The following TCF12 variants were observed in gnomAD, a reference collection of about 807,000 sequenced individuals.
TCF12 encodes the protein DNA-binding protein HTF4.
A neutral mutation model predicts 86.0 loss-of-function variants in TCF12; 45 were observed. The observed-to-expected ratio is 0.52, with a 90% confidence interval of 0.41 to 0.67. The LOEUF (loss-of-function observed/expected upper bound fraction) is 0.67. Ranked by LOEUF, TCF12 falls within the 30% of genes least tolerant of loss-of-function variation. The probability of loss-of-function intolerance (pLI) is 0.00; values close to 1 mark genes in which losing one functional copy is unlikely to be tolerated. For missense variants in TCF12, 881 were observed against 859.9 expected, an observed-to-expected ratio of 1.02 and a Z score of -0.31; for synonymous variants, 330 against 299.6, an observed-to-expected ratio of 1.10 and a Z score of -1.05.
rs142444003 is a variant in TCF12, at chr15:57,104,587, G to A, written c.325+12696G>A. The stretch of plus-strand genomic sequence containing the variant: ...CTCCGGAGTAGCTGGGACTACAGGC[G>A]CGCACACCCAGCTAATTTTTCTACT... On this transcript the variant is annotated intron_variant, in intron 5 of 20. Transcript: ENST00000333725. Among the ~76,000 whole-genome samples, 186 of 151,172 alleles carry A rather than the reference G, an allele frequency of 1.2e-3. 3 individuals are homozygous for A. In the East Asian group the frequency reaches 0.015, roughly 12 times the overall value.
intron 3 of TCF12, among the ~76,000 whole-genome samples, chr15:57,040,487 A>G (rs116267295): frequency 0.012 from 1,898 of 152,328 alleles, 38 homozygotes; most frequent in African/African-American, 0.043. Context: ...GCTGAATAGT[A>G]GGAGTTTGAC....
chr15:57,148,084 A>T (rs1047576360), intron 5 of TCF12, among the ~76,000 whole-genome samples: 1 of 151,720 alleles, frequency 6.6e-6, no homozygotes. Flanking sequence ...CGATCGCACT[A>T]TGTTGCCCAG....
chr15:57,008,658 T>C (rs1243766241), intron 3 of TCF12, among the ~76,000 whole-genome samples: 2 of 152,238 alleles, frequency 1.3e-5, no homozygotes, highest in Admixed American at 1.3e-4. Flanking sequence ...CCCAGGTTTT[T>C]ACAGGTAGAG....
intron 6 of TCF12, among the ~76,000 whole-genome samples, chr15:57,176,562 G>T (rs142805062): frequency 2.0e-5 from 3 of 152,152 alleles, no homozygotes; most frequent in Non-Finnish European, 4.4e-5. Flanking sequence ...TGTTGCTGCT[G>T]TTGCGTCTGT....
intron 3 of TCF12, among the ~76,000 whole-genome samples, chr15:56,936,532 C>T (rs556817605): frequency 2.0e-5 from 3 of 152,196 alleles, no homozygotes; most frequent in Non-Finnish European, 2.9e-5. Context: ...CTTTTGGGTT[C>T]TTGGTCATGA....
Position 57,238,303 on chromosome 15 carries a change from C to T in TCF12, c.1035+4196C>T, listed in dbSNP as rs145808400. On this transcript the variant is annotated intron_variant, in intron 12 of 20. Coordinates refer to ENST00000333725, the MANE Select transcript of TCF12 (RefSeq NM_207037.2). ...GCTCTTATATGACTCTAAACTATTACCTCTTCCTTCCTTGATATAAAGGAG... is the reference window on the plus strand; with the variant it reads ...GCTCTTATATGACTCTAAACTATTATCTCTTCCTTCCTTGATATAAAGGAG... Among the ~76,000 whole-genome samples, 33 of 152,048 alleles carry T rather than the reference C, an allele frequency of 2.2e-4. 1 individual carries two copies. The East Asian group carries it at 5.8e-3, about 27-fold the overall frequency.
chr15:57,061,530 G>A (rs943312064), intron 3 of TCF12, among the ~76,000 whole-genome samples: 3 of 152,194 alleles, frequency 2.0e-5, no homozygotes, highest in African/African-American at 7.2e-5. Context: ...TTGAGCCCAG[G>A]ATTTTGTGGT....
At chr15:56,919,014 C>T (rs1431040848) in intron 1 of TCF12, 108 bp downstream of exon 1, 2 of 151,974 alleles carry the variant, frequency 1.3e-5, no homozygotes, top group South Asian at 2.1e-4. Context: ...CCCGCCTCAA[C>T]TCCGCGCCCC....
At chr15:57,231,492 G>T (rs1241046844) in intron 9 of TCF12, among the ~76,000 whole-genome samples, 1 of 152,036 alleles carries the variant, frequency 6.6e-6, no homozygotes, top group East Asian at 1.9e-4. Context: ...ATTTATAAAG[G>T]TCTTAAATTG....
chr15:57,103,513 A>G (rs2049905144), intron 5 of TCF12, among the ~76,000 whole-genome samples: 1 of 152,212 alleles, frequency 6.6e-6, no homozygotes, highest in Non-Finnish European at 1.5e-5. Context: ...AATTGTATAA[A>G]GAAAACAGTC....
intron 3 of TCF12, among the ~76,000 whole-genome samples, chr15:57,051,607 AG>A (rs754630977): frequency 4.6e-5 from 7 of 152,076 alleles, no homozygotes; most frequent in Non-Finnish European, 8.8e-5. Context: ...TACAGGCATG[AG>A]GCACCACGCC....
chr15:56,955,760 G>A (rs1595844835), intron 3 of TCF12, among the ~76,000 whole-genome samples: 2 of 152,134 alleles, frequency 1.3e-5, no homozygotes, highest in African/African-American at 4.8e-5. Flanking sequence ...TTAGTTTGTA[G>A]TGTTGTTCAA....
chr15:57,236,293 T>G (rs894943279), intron 12 of TCF12, among the ~76,000 whole-genome samples: 4 of 152,212 alleles, frequency 2.6e-5, no homozygotes, highest in African/African-American at 4.8e-5. Flanking sequence ...AATATATGTT[T>G]AGTGCACTCA....
intron 3 of TCF12, among the ~76,000 whole-genome samples, chr15:57,003,691 G>T (rs1254992887): frequency 6.6e-6 from 1 of 152,222 alleles, no homozygotes; most frequent in Non-Finnish European, 1.5e-5. Flanking sequence ...GTGTGTGTCT[G>T]CAAATGACTG....
At chr15:57,123,982 A>AAAAAAAAAAAAAAAAAAAAAT (rs1555511574) in intron 5 of TCF12, among the ~76,000 whole-genome samples, 1 of 111,210 alleles carries the variant, frequency 9.0e-6, no homozygotes, top group African/African-American at 3.0e-5. Context: ...AAAAAAAAAA[A>AAAAAAAAAAAAAAAAAAAAAT]TTTTTTTTTT....
At chr15:57,122,063 A>T (rs555706789) in intron 5 of TCF12, among the ~76,000 whole-genome samples, 6 of 144,030 alleles carry the variant, frequency 4.2e-5, no homozygotes, top group Admixed American at 2.9e-4. Context: ...AAATGTTTTC[A>T]CTTTTCCTGC....
chr15:57,115,620 A>T (rs1160889383), intron 5 of TCF12, among the ~76,000 whole-genome samples: 1 of 152,202 alleles, frequency 6.6e-6, no homozygotes, highest in East Asian at 1.9e-4. Flanking sequence ...TTTTTTCACT[A>T]ATGCCTTGTA....
intron 3 of TCF12, among the ~76,000 whole-genome samples, chr15:56,974,777 A>G (rs1473757105): frequency 2.6e-5 from 4 of 152,092 alleles, no homozygotes; most frequent in African/African-American, 7.2e-5. Context: ...TTGTTTGACA[A>G]CTAATTTCGT....
In TCF12 at chr15:57,121,120, G is replaced by A. The variant is rs1596637397; in HGVS notation, c.325+29229G>A. 2.0e-5 allele frequency among the ~76,000 whole-genome samples: 3 copies of A among 152,308 alleles called. No homozygotes were observed. The South Asian group carries it at 6.2e-4, about 32-fold the overall frequency. On this transcript the variant is annotated intron_variant, in intron 5 of 20. Transcript: ENST00000333725. ...AAGTAGCATTTTGGCATGATCTGGA[G>A]CTGACATACATTCCAGAGGCTATAT...
Sources: allele counts gnomAD v4.1 joint callset (sites outside exome capture counted in the v4.1 genomes callset), GRCh38; gene constraint gnomAD v4.1.1; transcripts MANE v1.5; gene names NCBI Gene and HGNC (gene_info 2026-07-23, HGNC 2026-07-21).